ADAMTS16: variants seen among roughly 807,000 people sequenced by gnomAD.
The protein encoded by ADAMTS16 is ADAM metallopeptidase with thrombospondin type 1 motif 16.
In ADAMTS16, 94 loss-of-function variants were observed where a neutral mutation model predicts 145.8. The ratio of observed to expected loss-of-function variants is 0.64; its 90% CI spans 0.55 to 0.77. The LOEUF is 0.77. Ranked by LOEUF, ADAMTS16 falls within the 30% of genes least tolerant of loss-of-function variation. The pLI is 0.00. For synonymous variants in ADAMTS16, 659 were observed against 604.3 expected (o/e 1.09, Z -1.33); for missense variants, 1,585 against 1,591.5 (o/e 1.00, Z 0.07).
intron 8 of ADAMTS16, among the ~76,000 whole-genome samples, chr5:5,196,366 C>T (rs1735804777): frequency 6.6e-6 from 1 of 152,046 alleles, no homozygotes; most frequent in Non-Finnish European, 1.5e-5. Flanking sequence ...TGACATGTGC[C>T]TCCACCCCAT....
intron 4 of ADAMTS16, among the ~76,000 whole-genome samples, chr5:5,184,121 G>A (rs1204617655): frequency 2.0e-5 from 3 of 152,138 alleles, no homozygotes. Context: ...AATCAACAGC[G>A]CTGCTTCCTA....
intron 17 of ADAMTS16, among the ~76,000 whole-genome samples, chr5:5,259,798 T>A (rs1737937743): frequency 6.6e-6 from 1 of 152,270 alleles, no homozygotes; most frequent in Non-Finnish European, 1.5e-5. Context: ...GCTTTTTACA[T>A]AACTCAGCTT....
intron 18 of ADAMTS16, among the ~76,000 whole-genome samples, chr5:5,264,940 C>A (rs889185735): frequency 6.6e-6 from 1 of 152,184 alleles, no homozygotes; most frequent in African/African-American, 2.4e-5. Context: ...ACCCTGTGGG[C>A]CACTGCAGGA....
At chr5:5,279,519 C>T (rs1003153656) in intron 18 of ADAMTS16, among the ~76,000 whole-genome samples, 1 of 152,082 alleles carries the variant, frequency 6.6e-6, no homozygotes, top group Non-Finnish European at 1.5e-5. Flanking sequence ...TTTGCTGAGT[C>T]CACAGTGGTT....
chr5:5,318,653 G>A (rs67273745), intron 22 of ADAMTS16, among the ~76,000 whole-genome samples: 8,899 of 152,250 alleles, frequency 0.058, 352 homozygotes, highest in Middle Eastern at 0.13. Flanking sequence ...CCAGCATTGC[G>A]GAGACAGATG....
At chr5:5,200,381 C>G (rs1735923715) in intron 9 of ADAMTS16, 112 bp downstream of exon 9, 1 of 1,374,616 alleles carries the variant, frequency 7.3e-7, no homozygotes, top group African/African-American at 1.5e-5. Context: ...ATGTGGTTCC[C>G]TTTGAAGGTG....
intron 18 of ADAMTS16, among the ~76,000 whole-genome samples, chr5:5,273,998 G>T (rs546840409): frequency 6.6e-6 from 1 of 152,194 alleles, no homozygotes; most frequent in African/African-American, 2.4e-5. Flanking sequence ...GATTTTCATT[G>T]TGTTGTATGT....
At chr5:5,304,228 A>C (rs1739924604) in intron 20 of ADAMTS16, among the ~76,000 whole-genome samples, 1 of 152,166 alleles carries the variant, frequency 6.6e-6, no homozygotes, top group Non-Finnish European at 1.5e-5. Context: ...TCTATTTGCG[A>C]AAGGAAACTC....
chr5:5,295,535 A>C (rs1579391933), intron 18 of ADAMTS16, among the ~76,000 whole-genome samples: 1 of 152,204 alleles, frequency 6.6e-6, no homozygotes, highest in Non-Finnish European at 1.5e-5. Flanking sequence ...CAAGGCTGGC[A>C]CCTCACCCAC....
intron 8 of ADAMTS16, among the ~76,000 whole-genome samples, chr5:5,197,159 T>C (rs1735827482): frequency 6.6e-6 from 1 of 152,228 alleles, no homozygotes; most frequent in Non-Finnish European, 1.5e-5. Flanking sequence ...CCTTTAAGAA[T>C]GTCTCATGTC....
chr5:5,225,641 G>GAAA (rs150977231), intron 11 of ADAMTS16, among the ~76,000 whole-genome samples: 1 of 151,362 alleles, frequency 6.6e-6, no homozygotes, highest in African/African-American at 2.4e-5. Flanking sequence ...AAGCAGGAAA[G>GAAA]AAGAAAGAGG....
Position 5,223,952 on chromosome 5 carries a change from A to G in ADAMTS16, c.1701+1068A>G, listed in dbSNP as rs1023219486. 2.0e-5 allele frequency among the ~76,000 whole-genome samples: 3 copies of G among 152,040 alleles called. No homozygotes were observed. In the East Asian group the frequency reaches 5.8e-4, roughly 29 times the overall value. ...CATGCCTAAATATCATTGTTCTATT[A>G]TGTTTAAATACCAAAGAAAATATAT... On this transcript the variant is annotated intron_variant, in intron 11 of 22. Coordinates refer to ENST00000274181, the MANE Select transcript of ADAMTS16 (RefSeq NM_139056.4).
intron 17 of ADAMTS16, among the ~76,000 whole-genome samples, chr5:5,258,545 G>A (rs1324245167): frequency 2.6e-5 from 4 of 152,222 alleles, no homozygotes; most frequent in Admixed American, 6.5e-5. Flanking sequence ...CTTGAGAACC[G>A]GTGAGCCAAG....
chr5:5,293,333 A>C (rs1739403520), intron 18 of ADAMTS16, among the ~76,000 whole-genome samples: 1 of 152,116 alleles, frequency 6.6e-6, no homozygotes, highest in South Asian at 2.1e-4. Context: ...TTGTGTGAGA[A>C]GAAAATATTC....
chr5:5,222,703 C>T (rs1736641536), intron 10 of ADAMTS16, 86 bp from the exon 11 acceptor site: 10 of 1,125,806 alleles, frequency 8.9e-6, no homozygotes, highest in Non-Finnish European at 1.3e-5. Flanking sequence ...CTGTTGTTTT[C>T]ACCTTAAATC....
intron 14 of ADAMTS16, 66 bp downstream of exon 14, chr5:5,237,165 G>A (rs1737133650): frequency 1.3e-6 from 2 of 1,541,178 alleles, no homozygotes; most frequent in Non-Finnish European, 1.8e-6. Flanking sequence ...CAAGCATCCT[G>A]TAGAGGCTAG....
intron 2 of ADAMTS16, among the ~76,000 whole-genome samples, chr5:5,145,511 C>T (rs1012141577): frequency 2.0e-5 from 3 of 152,298 alleles, no homozygotes; most frequent in Non-Finnish European, 4.4e-5. Flanking sequence ...AAATCCAGGT[C>T]GTTCTTCTCC....
At chr5:5,256,483 A>G (rs1191479682) in intron 17 of ADAMTS16, among the ~76,000 whole-genome samples, 1 of 152,254 alleles carries the variant, frequency 6.6e-6, no homozygotes, top group Non-Finnish European at 1.5e-5. Context: ...TTACTAAATT[A>G]TCACATGACT....
intron 18 of ADAMTS16, among the ~76,000 whole-genome samples, chr5:5,292,518 A>ATAC (rs925777891): frequency 2.0e-5 from 3 of 150,822 alleles, no homozygotes; most frequent in Non-Finnish European, 4.4e-5. Context: ...AATAATAATA[A>ATAC]TAATAATAAT....
Sources: allele counts gnomAD v4.1 joint callset (sites outside exome capture counted in the v4.1 genomes callset), GRCh38; gene constraint gnomAD v4.1.1; transcripts MANE v1.5; gene names NCBI Gene and HGNC (gene_info 2026-07-23, HGNC 2026-07-21).